PLXDC2: variants seen among roughly 807,000 people sequenced by gnomAD.
PLXDC2 encodes the protein plexin domain containing 2.
In PLXDC2, 40 loss-of-function variants were observed where a neutral mutation model predicts 68.9. That is an observed-to-expected ratio of 0.58 (90% CI 0.45 to 0.76). The LOEUF (loss-of-function observed/expected upper bound fraction) is 0.76, where lower values mean the gene tolerates loss of function less well. PLXDC2 is among the 30% of genes least tolerant of loss of function. PLXDC2 has a pLI of 0.00. For missense variants in PLXDC2, 644 were observed against 661.9 expected (o/e 0.97, Z 0.30); for synonymous variants, 243 against 234.2 (o/e 1.04, Z -0.34).
chr10:19,859,032 G>C (rs982105903), intron 1 of PLXDC2, among the ~76,000 whole-genome samples: 4 of 151,394 alleles, frequency 2.6e-5, no homozygotes, highest in African/African-American at 9.7e-5. Context: ...GAGAGAGAGA[G>C]AGAGAGAGAG....
At chr10:20,018,905 A>G (rs576281254) in intron 2 of PLXDC2, among the ~76,000 whole-genome samples, 10 of 152,308 alleles carry the variant, frequency 6.6e-5, no homozygotes, top group Admixed American at 3.3e-4. Context: ...GATCGAGTAT[A>G]TATAAAATAG....
intron 1 of PLXDC2, among the ~76,000 whole-genome samples, chr10:19,876,273 A>C (rs950681321): frequency 1.3e-5 from 2 of 152,198 alleles, no homozygotes; most frequent in African/African-American, 4.8e-5. Flanking sequence ...AGTAAGAGAA[A>C]ATTATGCTTC....
intron 2 of PLXDC2, 85 bp downstream of exon 2, chr10:20,002,071 T>A: frequency 7.6e-7 from 1 of 1,320,980 alleles, no homozygotes. Flanking sequence ...ATAAGTTGTC[T>A]CTTCATCTCA....
chr10:19,879,129 G>T (rs1173983149), intron 1 of PLXDC2, among the ~76,000 whole-genome samples: 3 of 152,134 alleles, frequency 2.0e-5, no homozygotes, highest in Non-Finnish European at 4.4e-5. Flanking sequence ...CATGCATTTA[G>T]AGGAAAAATA....
intron 4 of PLXDC2, among the ~76,000 whole-genome samples, chr10:20,107,116 G>T (rs1833502281): frequency 6.7e-6 from 1 of 148,594 alleles, no homozygotes; most frequent in Admixed American, 6.7e-5. Context: ...GTATATATCT[G>T]TGCTGTATAC....
chr10:20,034,707 A>G (rs1478583925), intron 2 of PLXDC2, among the ~76,000 whole-genome samples: 2 of 152,240 alleles, frequency 1.3e-5, no homozygotes, highest in Non-Finnish European at 2.9e-5. Context: ...TGTGATACAT[A>G]CAACATTTCT....
chr10:20,019,657 C>T (rs539915366), intron 2 of PLXDC2, among the ~76,000 whole-genome samples: 38 of 152,222 alleles, frequency 2.5e-4, no homozygotes, highest in African/African-American at 8.4e-4. Flanking sequence ...GAGGAAAGGC[C>T]ATGTGAGGAC....
rs1836008790 is a variant in PLXDC2, at chr10:20,276,509, A to G, written c.1474-3194A>G. Among the ~76,000 whole-genome samples the G allele has an allele frequency of 2.0e-5, 3 of 152,190 alleles. No homozygotes were observed. The South Asian group carries it at 6.2e-4, about 32-fold the overall frequency. Reference sequence around the variant, plus strand: ...TTTTCTTCTGAATATGATTAATCACATAAATAATTCTCAGAAATGAAATTA... The same window carrying G: ...TTTTCTTCTGAATATGATTAATCACGTAAATAATTCTCAGAAATGAAATTA... On this transcript the variant is annotated intron_variant, in intron 13 of 13. Transcript: ENST00000377252.
intron 1 of PLXDC2, among the ~76,000 whole-genome samples, chr10:19,859,156 G>A (rs1396666080): frequency 1.3e-5 from 2 of 151,888 alleles, no homozygotes; most frequent in African/African-American, 2.4e-5. Context: ...CATCCATGAG[G>A]GATCTGACCT....
At chr10:20,251,570 G>A (rs1835676015) in intron 13 of PLXDC2, among the ~76,000 whole-genome samples, 1 of 152,102 alleles carries the variant, frequency 6.6e-6, no homozygotes, top group East Asian at 1.9e-4. Flanking sequence ...GGAGATAAAT[G>A]TTTACACTCT....
intron 1 of PLXDC2, among the ~76,000 whole-genome samples, chr10:19,960,810 T>C (rs1834143987): frequency 6.6e-6 from 1 of 152,262 alleles, no homozygotes; most frequent in Non-Finnish European, 1.5e-5. Context: ...TTGAGCAATA[T>C]TGCTATTTGC....
chr10:20,138,754 A>C (rs1302983913), intron 4 of PLXDC2, among the ~76,000 whole-genome samples: 5 of 152,092 alleles, frequency 3.3e-5, no homozygotes, highest in Non-Finnish European at 5.9e-5. Context: ...CTCTACTAAA[A>C]ATACTAAAAT....
chr10:20,026,933 ACAC>A, intron 2 of PLXDC2, among the ~76,000 whole-genome samples: 2 of 70,286 alleles, frequency 2.8e-5, no homozygotes, highest in African/African-American at 1.1e-4. Context: ...TATATAGAAT[ACAC>A]TTTTATAATA....
At chr10:20,107,272 C>T (rs960332810) in intron 4 of PLXDC2, among the ~76,000 whole-genome samples, 2 of 152,064 alleles carry the variant, frequency 1.3e-5, no homozygotes, top group South Asian at 2.1e-4. Context: ...AAATGTCTTT[C>T]ATCTCCAGCA....
intron 1 of PLXDC2, among the ~76,000 whole-genome samples, chr10:19,859,292 C>A (rs1269364357): frequency 6.6e-6 from 1 of 151,880 alleles, no homozygotes; most frequent in Non-Finnish European, 1.5e-5. Flanking sequence ...AAAAACAAAC[C>A]ATATTCACAC....
chr10:20,211,692 A>G lies in PLXDC2; in HGVS notation c.1085A>G (p.His362Arg). The G allele has an allele frequency of 6.2e-7, 1 of 1,613,144 alleles. No homozygotes were observed. Among genetic ancestry groups the G allele is most frequent in the Non-Finnish European group, 8.5e-7 (1 of 1,179,364 alleles). The change falls in exon 10 of 14, where the codon CAT becomes CGT. Residue 362 changes from histidine (H) to arginine (R), a missense_variant. Transcript: ENST00000377252. Reference sequence around the variant, plus strand: ...AGATGTTCCAGTGGATTTGATCGTCATCGGCAGGACTGGGTGGACAGTGGA... The same window carrying G: ...AGATGTTCCAGTGGATTTGATCGTCGTCGGCAGGACTGGGTGGACAGTGGA... ...LQRCSSGFDR[H>R]RQDWVDSGCP...
intron 1 of PLXDC2, among the ~76,000 whole-genome samples, chr10:19,824,485 C>T (rs973756087): frequency 1.3e-5 from 2 of 152,204 alleles, no homozygotes; most frequent in Non-Finnish European, 2.9e-5. Context: ...TTCTCTTAAT[C>T]TGATGAATTC....
At chr10:19,990,371 G>A (rs750248592) in intron 1 of PLXDC2, among the ~76,000 whole-genome samples, 16 of 152,150 alleles carry the variant, frequency 1.1e-4, no homozygotes, top group Non-Finnish European at 2.1e-4. Context: ...CACACCCTTA[G>A]AAGGAATTTA....
chr10:20,128,752 G>T (rs1833826632), intron 4 of PLXDC2, among the ~76,000 whole-genome samples: 1 of 151,910 alleles, frequency 6.6e-6, no homozygotes, highest in African/African-American at 2.4e-5. Flanking sequence ...TGCCTTTCTG[G>T]GACCAGCTTA....
Sources: allele counts gnomAD v4.1 joint callset (sites outside exome capture counted in the v4.1 genomes callset), GRCh38; gene constraint gnomAD v4.1.1; transcripts MANE v1.5; gene names NCBI Gene and HGNC (gene_info 2026-07-23, HGNC 2026-07-21).